RNLS: variants seen among roughly 807,000 people sequenced by gnomAD.
RNLS encodes the protein renalase.
In RNLS, 39 loss-of-function variants were observed where a neutral mutation model predicts 39.8. That is an observed-to-expected ratio of 0.98 (90% CI 0.76 to 1.28). RNLS has a LOEUF of 1.28. Ranked by LOEUF, RNLS falls within the 50% of genes most tolerant of loss-of-function variation. The pLI, the probability that RNLS is intolerant of heterozygous loss-of-function variation, is 0.00. For synonymous variants in RNLS, 147 were observed against 150.7 expected (o/e 0.98, Z 0.18); for missense variants, 410 against 413.3 (o/e 0.99, Z 0.07).
At chr10:88,572,138 G>A (rs1348271469) in intron 4 of RNLS, among the ~76,000 whole-genome samples, 1 of 152,140 alleles carries the variant, frequency 6.6e-6, no homozygotes, top group African/African-American at 2.4e-5. Context: ...GTAAATAGCT[G>A]CTGTCAACTA....
chr10:88,245,699 CCT>C, the RNLS span, among the ~76,000 whole-genome samples: 1 of 151,846 alleles, frequency 6.6e-6, no homozygotes, highest in Non-Finnish European at 1.5e-5. Context: ...TAAAATGTCT[CCT>C]TTCTAATTTA....
chr10:88,350,195 G>A (rs792225), intron 5 of RNLS, among the ~76,000 whole-genome samples: 126,093 of 151,492 alleles, frequency 0.83, 52,597 homozygotes, highest in African/African-American at 0.88. Context: ...AAGTTCAAAT[G>A]GTTCCATGTT....
At chr10:88,466,472 T>A (rs1034234485) in intron 4 of RNLS, among the ~76,000 whole-genome samples, 1 of 152,136 alleles carries the variant, frequency 6.6e-6, no homozygotes, top group Non-Finnish European at 1.5e-5. Context: ...CATAGACATA[T>A]GACAGACATT....
At chr10:88,542,249 T>C (rs1230084052) in intron 4 of RNLS, among the ~76,000 whole-genome samples, 1 of 152,134 alleles carries the variant, frequency 6.6e-6, no homozygotes, top group Admixed American at 6.6e-5. Context: ...CAAGCATGAT[T>C]ACTCCATGCT....
At chr10:88,429,903 C>G (rs2133803544) in intron 4 of RNLS, among the ~76,000 whole-genome samples, 1 of 151,894 alleles carries the variant, frequency 6.6e-6, no homozygotes, top group Non-Finnish European at 1.5e-5. Flanking sequence ...ATCTGTATGC[C>G]AATACCATAT....
At chr10:88,465,172 T>C (rs1843135351) in intron 4 of RNLS, among the ~76,000 whole-genome samples, 1 of 152,134 alleles carries the variant, frequency 6.6e-6, no homozygotes, top group South Asian at 2.1e-4. Context: ...TAGTAGGCAA[T>C]GAGCCCTTGT....
rs973696164 is a variant in RNLS at position 88,559,847 on chromosome 10, A to AT, written c.526+13055dup. Among the ~76,000 whole-genome samples, 59 of 152,116 alleles carry AT rather than the reference A, an allele frequency of 3.9e-4. 1 individual carries two copies. Among genetic ancestry groups the AT allele is most frequent in the African/African-American group, 1.4e-3 (58 of 41,424 alleles). On this transcript the variant is annotated intron_variant, in intron 4 of 6. Transcript: ENST00000331772. ...AAACTGTTAATTAATTAAAGTTGTG[A>AT]TAAGTGTTAAAAATACAAGTCACCG...
the RNLS span, among the ~76,000 whole-genome samples, chr10:88,252,509 C>T: frequency 6.6e-6 from 1 of 152,138 alleles, no homozygotes; most frequent in African/African-American, 2.4e-5. Flanking sequence ...GCCAGAGGGG[C>T]TAGGGGCTTC....
chr10:88,466,258 C>T (rs1268845032), intron 4 of RNLS, among the ~76,000 whole-genome samples: 1 of 151,914 alleles, frequency 6.6e-6, no homozygotes, highest in African/African-American at 2.4e-5. Flanking sequence ...AAAAAAAGTC[C>T]CACACCAATA....
intron 4 of RNLS, among the ~76,000 whole-genome samples, chr10:88,380,437 G>A (rs552140854): frequency 1.5e-5 from 2 of 134,932 alleles, no homozygotes; most frequent in South Asian, 2.4e-4. Context: ...GTGCAGTGGC[G>A]TGATCTCCGC....
At chr10:88,197,706 G>A in the RNLS span, among the ~76,000 whole-genome samples, 162 of 152,282 alleles carry the variant, frequency 1.1e-3, no homozygotes, top group East Asian at 4.0e-3. Flanking sequence ...AGTAATTAAG[G>A]TTAAATGAGT....
At chr10:88,178,785 C>A in the RNLS span, among the ~76,000 whole-genome samples, 1 of 152,186 alleles carries the variant, frequency 6.6e-6, no homozygotes, top group Non-Finnish European at 1.5e-5. Flanking sequence ...CTCACTTTGT[C>A]AATTTAGAAC....
At chr10:88,205,949 G>T in the RNLS span, among the ~76,000 whole-genome samples, 1 of 152,182 alleles carries the variant, frequency 6.6e-6, no homozygotes, top group Non-Finnish European at 1.5e-5. Flanking sequence ...ATGACCAACA[G>T]AGTAGCCTCA....
intron 4 of RNLS, among the ~76,000 whole-genome samples, chr10:88,534,627 T>C (rs893180413): frequency 1.3e-5 from 2 of 152,134 alleles, no homozygotes; most frequent in Admixed American, 6.6e-5. Context: ...AATTCCATCA[T>C]AGGCTGTGTT....
At chr10:88,204,190 T>C in the RNLS span, among the ~76,000 whole-genome samples, 1 of 152,126 alleles carries the variant, frequency 6.6e-6, no homozygotes, top group Non-Finnish European at 1.5e-5. Context: ...CTGCCTTTTC[T>C]TATAGTGATT....
At chr10:88,368,872 A>G (rs1317156783) in intron 4 of RNLS, among the ~76,000 whole-genome samples, 2 of 152,134 alleles carry the variant, frequency 1.3e-5, no homozygotes, top group Non-Finnish European at 2.9e-5. Context: ...TATAGTTTCT[A>G]TTAGTGGTAT....
At chr10:88,370,231 G>C (rs1026796396) in intron 4 of RNLS, among the ~76,000 whole-genome samples, 1 of 152,052 alleles carries the variant, frequency 6.6e-6, no homozygotes, top group South Asian at 2.1e-4. Context: ...AAGTAAATAA[G>C]GTACTGCTTT....
At chr10:88,429,958 T>A (rs920486396) in intron 4 of RNLS, among the ~76,000 whole-genome samples, 1 of 151,840 alleles carries the variant, frequency 6.6e-6, no homozygotes, top group African/African-American at 2.4e-5. Flanking sequence ...GCTCTCCAAC[T>A]GTGTTCTGTT....
the RNLS span, among the ~76,000 whole-genome samples, chr10:88,173,272 T>C: frequency 6.6e-6 from 1 of 152,198 alleles, no homozygotes; most frequent in East Asian, 1.9e-4. Context: ...CTTGGTGCCT[T>C]TGTTAAAAAG....
Sources: allele counts gnomAD v4.1 joint callset (sites outside exome capture counted in the v4.1 genomes callset), GRCh38; gene constraint gnomAD v4.1.1; transcripts MANE v1.5; gene names NCBI Gene and HGNC (gene_info 2026-07-23, HGNC 2026-07-21).